The following CYP3A5 variants were observed in gnomAD, a reference collection of about 807,000 sequenced individuals.
CYP3A5 encodes the protein cytochrome P450 3A5.
A neutral mutation model predicts 55.9 loss-of-function variants in CYP3A5; 51 were observed. The observed-to-expected ratio is 0.91, with a 90% CI of 0.73 to 1.15. The LOEUF (loss-of-function observed/expected upper bound fraction) is 1.15, where lower values mean the gene tolerates loss of function less well. Ranked by LOEUF, CYP3A5 falls within the 50% of genes most tolerant of loss-of-function variation. The pLI is 0.00. For synonymous variants in CYP3A5, 196 were observed against 213.9 expected, an observed-to-expected ratio of 0.92 and a Z score of 0.73; for missense variants, 533 against 596.6, an observed-to-expected ratio of 0.89 and a Z score of 1.11.
chr7:99,657,446 GAC>G (rs1480252973), intron 10 of CYP3A5, among the ~76,000 whole-genome samples: 3 of 152,206 alleles, frequency 2.0e-5, no homozygotes, highest in Non-Finnish European at 4.4e-5. Context: ...TGGTCTGAGA[GAC>G]AGTTTGTTAT....
rs1809435178 is a variant in CYP3A5, at chr7:99,653,908, C to G, written c.1027-1129G>C. Among the ~76,000 whole-genome samples the G allele has an allele frequency of 6.6e-6, 1 of 152,204 alleles. No individual in the cohort carries two copies. Among genetic ancestry groups the G allele is most frequent in the South Asian group, 2.1e-4 (1 of 4,830 alleles). ...GCTTGGCTTCTTGGCCAGTGGCTAC[C>G]TGACTGGAACATGAGACAGGTGTGG... is the stretch of plus-strand genomic sequence containing the variant. On this transcript the variant is annotated intron_variant, in intron 10 of 12. Coordinates refer to ENST00000222982, the MANE Select transcript of CYP3A5 (RefSeq NM_000777.5). The surrounding 1 kb of genome is among the most constrained non-coding windows in gnomAD (Gnocchi z 4.2).
In CYP3A5 at chr7:99,666,636, C is replaced by T. The variant is rs775019272; in HGVS notation, c.486G>A (p.Arg162=). The part of the protein sequence containing the change: ...YGDVLVRNLR[R]EAEKGKPVTL... ...TGACAGGCTTGCCTTTCTCTGCTTC[C>T]CGCCTCAAGTTTCTCACCAATACAT... Residue 162 remains arginine, a synonymous_variant, in exon 6 of 13, where the codon CGG becomes CGA. Transcript: ENST00000222982. The T allele has an allele frequency of 6.2e-7, 1 of 1,613,908 alleles. No individual in the cohort carries two copies. Among genetic ancestry groups the T allele is most frequent in the Non-Finnish European group, 8.5e-7 (1 of 1,179,938 alleles).
At chr7:99,675,650 TCCCCTCCCCTCC>T (rs1563003796) in intron 2 of CYP3A5, among the ~76,000 whole-genome samples, 10 of 258 alleles carry the variant, frequency 0.039, no homozygotes, top group Non-Finnish European at 0.08. Flanking sequence ...TCCTCCCCCC[TCCCCTCCCCTCC>T]CCTCCCCTCT....
At chr7:99,648,468 G>A in intron 12 of CYP3A5, 68 bp from the exon 13 acceptor site, 1 of 880,554 alleles carries the variant, frequency 1.1e-6, no homozygotes, top group Non-Finnish European at 1.7e-6. Context: ...TGGAAGCAAA[G>A]TAGAAAAAAT....
rs754505259 is a variant in CYP3A5, at chr7:99,674,501, G to GTC, written c.218+30_218+31dup. The stretch of plus-strand genomic sequence containing the variant: ...TGGGGTAACCTCCTCACAGTAGCAG[G>GTC]TCTATCCAATGGAGGTTTTCAGAAT... On this transcript the variant is annotated intron_variant, in intron 3 of 12. Coordinates refer to ENST00000222982, the MANE Select transcript of CYP3A5 (RefSeq NM_000777.5). The GTC allele has an allele frequency of 1.1e-5, 18 of 1,585,890 alleles. No homozygotes were observed. In the African/African-American group the frequency reaches 2.4e-4, roughly 21 times the overall value.
At chr7:99,663,569 C>T in intron 8 of CYP3A5, 1 of 993,384 alleles carries the variant, frequency 1.0e-6, no homozygotes, top group Non-Finnish European at 1.2e-6. Flanking sequence ...CCTTTAATTG[C>T]AGAATATGTA....
chr7:99,663,745 A>G (rs1740979804), intron 8 of CYP3A5: 1 of 1,201,912 alleles, frequency 8.3e-7, no homozygotes, highest in Admixed American at 4.4e-5. Flanking sequence ...ATCATGACAT[A>G]CTAATTGTTG....
In CYP3A5 at chr7:99,665,300, T is replaced by A. The variant is rs1554420345; in HGVS notation, c.536A>T (p.Tyr179Phe). The A allele has an allele frequency of 9.3e-6, 15 of 1,614,186 alleles. No homozygotes were observed. The South Asian group carries it at 1.5e-4, about 17-fold the overall frequency. The change falls in exon 7 of 13, where the codon TAC (tyrosine) becomes TTC (phenylalanine). Residue 179 changes from tyrosine to phenylalanine, a missense_variant. Physicochemically the swap from Tyr to Phe is conservative, Grantham distance 22 (BLOSUM62 3). Coordinates refer to ENST00000222982, the MANE Select transcript of CYP3A5 (RefSeq NM_000777.5). ...TGTGCCAGTAATCACATCCATGCTG[T>A]AGGCCCCAAAGATGCTGAGTGGAGA... ...PVTLKDIFGA[Y>F]SMDVITGTSF...
chr7:99,672,000 A>G (rs142580784), intron 4 of CYP3A5: 3 of 609,918 alleles, frequency 4.9e-6, no homozygotes, highest in Admixed American at 2.8e-5. Flanking sequence ...TTCCTGTACT[A>G]TAGTATTAGG....
intron 1 of CYP3A5, chr7:99,676,625 A>AT (rs1812311603): frequency 8.6e-7 from 1 of 1,164,430 alleles, no homozygotes; most frequent in African/African-American, 1.6e-5. Context: ...TGATGATGAG[A>AT]TTTTGCATCA....
chr7:99,679,800 A>G (rs1467429751), intron 1 of CYP3A5, 26 bp downstream of exon 1: 3 of 1,612,906 alleles, frequency 1.9e-6, no homozygotes, highest in East Asian at 2.2e-5. Context: ...AAGGAAACAA[A>G]GAGAGGAGTT....
At chr7:99,677,412 G>C (rs1472697868) in intron 1 of CYP3A5, among the ~76,000 whole-genome samples, 1 of 152,228 alleles carries the variant, frequency 6.6e-6, no homozygotes, top group African/African-American at 2.4e-5. Flanking sequence ...AAAAGACACA[G>C]AGGGACCTTC....
chr7:99,665,940 C>T (rs187576937), intron 6 of CYP3A5, among the ~76,000 whole-genome samples: 3 of 152,180 alleles, frequency 2.0e-5, no homozygotes, highest in Non-Finnish European at 4.4e-5. Flanking sequence ...AAAAATAGAT[C>T]TCTCCAACAT....
rs202148429 is a variant in CYP3A5, at chr7:99,665,274, A to T, written c.562T>A (p.Ser188Thr). The change falls in exon 7 of 13, where the codon TCA becomes ACA. Residue 188 changes from serine to threonine, a missense_variant. Ser to Thr is a moderately conservative substitution (Grantham distance 58). Coordinates refer to ENST00000222982, the MANE Select transcript of CYP3A5 (RefSeq NM_000777.5). ...AYSMDVITGTSFGVNIDSLNN... is the reference protein window; with the variant it reads ...AYSMDVITGTTFGVNIDSLNN... ...AGAGAGTCGATGTTCACTCCAAATG[A>T]TGTGCCAGTAATCACATCCATGCTG... 1.5e-4 allele frequency: 238 copies of T among 1,614,050 alleles called. No homozygotes were observed. In the Middle Eastern group the frequency reaches 1.5e-3, roughly 10 times the overall value.
rs183437814 is a variant in CYP3A5 at position 99,660,171 on chromosome 7, T to C, written c.1026+328A>G. The C allele has an allele frequency of 4.4e-5, 42 of 959,456 alleles. No individual in the cohort carries two copies. The East Asian group carries it at 4.1e-3, about 94-fold the overall frequency. The allele number at this position is 959,456 out of a possible 1,614,324, so 59.4% of individuals were successfully genotyped here. ...TCTGTGTTGCTCACGCTGGGAGCTG[T>C]AGACTGGAGCTGTTCCTGTTTGGCC... On this transcript the variant is annotated intron_variant, in intron 10 of 12. Transcript: ENST00000222982.
Position 99,679,924 on chromosome 7 carries a change from T to C in CYP3A5, c.-28A>G. 6.2e-7 allele frequency: 1 copy of C among 1,606,350 alleles called. No homozygotes were observed. Among genetic ancestry groups the C allele is most frequent in the Middle Eastern group, 1.7e-4 (1 of 6,050 alleles). On this transcript the variant is annotated 5_prime_UTR_variant, in exon 1 of 13. Transcript: ENST00000222982. ...CCACTTTCCTTCTTCAACTGTGTTCTGTGAGTCTTCCTTTTAGCTGAGTGC... is the reference window on the plus strand; with the variant it reads ...CCACTTTCCTTCTTCAACTGTGTTCCGTGAGTCTTCCTTTTAGCTGAGTGC...
chr7:99,676,105 AG>A lies in CYP3A5; in HGVS notation c.165+9del, dbSNP rs1376714355. 1 of 1,612,368 alleles carries A rather than the reference AG, an allele frequency of 6.2e-7. No homozygotes were observed. Among genetic ancestry groups the A allele is most frequent in the African/African-American group, 1.3e-5 (1 of 74,870 alleles). Reference sequence around the variant, plus strand: ...CATAAGAAGCAAAAGAGGAAGCTCAAGCAACTCACCTGACGATAGGACAAAA... The same window carrying A: ...CATAAGAAGCAAAAGAGGAAGCTCAACAACTCACCTGACGATAGGACAAAA... On this transcript the variant is annotated intron_variant, in intron 2 of 12. Coordinates refer to ENST00000222982, the MANE Select transcript of CYP3A5 (RefSeq NM_000777.5).
intron 8 of CYP3A5, chr7:99,663,350 A>G (rs1810635441): frequency 1.0e-6 from 1 of 993,722 alleles, no homozygotes; most frequent in African/African-American, 1.7e-5. Flanking sequence ...CAAACTCTAT[A>G]TAATCTTCAG....
intron 10 of CYP3A5, among the ~76,000 whole-genome samples, chr7:99,658,254 A>G (rs200928216): frequency 1.3e-5 from 2 of 152,068 alleles, no homozygotes; most frequent in Non-Finnish European, 2.9e-5. Context: ...GCTTCCTTCA[A>G]GAGCTCTTTT....
Sources: allele counts gnomAD v4.1 joint callset (sites outside exome capture counted in the v4.1 genomes callset), GRCh38; gene constraint gnomAD v4.1.1; non-coding constraint Gnocchi (gnomAD v3.1); transcripts MANE v1.5; gene names NCBI Gene and HGNC (gene_info 2026-07-23, HGNC 2026-07-21).